AJAP1: variants seen among roughly 807,000 people sequenced by gnomAD.
AJAP1 encodes the protein adherens junction-associated protein 1.
A neutral mutation model predicts 35.0 loss-of-function variants in AJAP1; 5 were observed. The observed-to-expected ratio is 0.14, with a 90% CI of 0.07 to 0.30. The LOEUF is 0.30. Ranked by LOEUF, AJAP1 falls within the 10% of genes least tolerant of loss-of-function variation. The probability of loss-of-function intolerance (pLI) is 1.00; values close to 1 mark genes in which losing one functional copy is unlikely to be tolerated. For synonymous variants in AJAP1, 284 were observed against 249.3 expected, an observed-to-expected ratio of 1.14 and a Z score of -1.31; for missense variants, 586 against 571.0, an observed-to-expected ratio of 1.03 and a Z score of -0.27.
At chr1:4,777,294 T>G (rs1006445847) in intron 5 of AJAP1, 18 of 152,238 alleles carry the variant, frequency 1.2e-4, no homozygotes, top group African/African-American at 3.4e-4. Context: ...TCCAAATGCA[T>G]TTTTAATGAC....
intron 2 of AJAP1, among the ~76,000 whole-genome samples, chr1:4,722,377 T>C (rs967290250): frequency 7.2e-5 from 11 of 152,234 alleles, no homozygotes; most frequent in African/African-American, 2.7e-4. Flanking sequence ...CGTCCATACC[T>C]GCCTCATTCT....
chr1:4,766,952 C>A lies in AJAP1; in HGVS notation c.830-2901C>A, dbSNP rs1188156536. On this transcript the variant is annotated intron_variant, in intron 2 of 5. Transcript: ENST00000378191. ...GGCTTAGCTAGGTGCATCGAGGGAT[C>A]CTGTAGAAAGCATAGCTGTTGTATT... 3.3e-5 allele frequency among the ~76,000 whole-genome samples: 5 copies of A among 152,108 alleles called. No individual in the cohort carries two copies. In the East Asian group the frequency reaches 9.6e-4, roughly 29 times the overall value.
In AJAP1 at chr1:4,717,870, A is replaced by T. The variant is rs1433982254; in HGVS notation, c.829+5171A>T. Among the ~76,000 whole-genome samples the T allele has an allele frequency of 3.9e-5, 6 of 152,318 alleles. No homozygotes were observed. The East Asian group carries it at 1.2e-3, about 29-fold the overall frequency. On this transcript the variant is annotated intron_variant, in intron 2 of 5. Transcript: ENST00000378191. The stretch of plus-strand genomic sequence containing the variant: ...TGGTTGAAAGCTGTGATGGCCATTT[A>T]AATGCTGAGCCCATTTTAATTAAGT...
chr1:4,779,587 G>A (rs983505154), intron 5 of AJAP1, among the ~76,000 whole-genome samples: 3 of 152,094 alleles, frequency 2.0e-5, no homozygotes, highest in African/African-American at 4.8e-5. Context: ...AGCAGCCGGG[G>A]CCACAGTTCA....
At chr1:4,730,679 C>A (rs1640777624) in intron 2 of AJAP1, among the ~76,000 whole-genome samples, 1 of 152,172 alleles carries the variant, frequency 6.6e-6, no homozygotes, top group South Asian at 2.1e-4. Context: ...GACCCGTGTT[C>A]CCAGGAGGAA....
chr1:4,751,946 C>T (rs1641329032), intron 2 of AJAP1, among the ~76,000 whole-genome samples: 1 of 152,258 alleles, frequency 6.6e-6, no homozygotes, highest in East Asian at 1.9e-4. Flanking sequence ...CTGCCCACAC[C>T]CCACAGCCTA....
chr1:4,753,125 G>A (rs960400060), intron 2 of AJAP1, among the ~76,000 whole-genome samples: 1 of 152,218 alleles, frequency 6.6e-6, no homozygotes, highest in Non-Finnish European at 1.5e-5. Flanking sequence ...GAAGGGCCCT[G>A]TGCACTAATC....
chr1:4,666,317 G>C (rs1030373908), intron 1 of AJAP1, among the ~76,000 whole-genome samples: 5 of 152,192 alleles, frequency 3.3e-5, no homozygotes, highest in Non-Finnish European at 7.3e-5. Context: ...TGTGAAGCTG[G>C]AGAGGAAGGT....
At chr1:4,729,074 G>A (rs1296124462) in intron 2 of AJAP1, among the ~76,000 whole-genome samples, 1 of 151,862 alleles carries the variant, frequency 6.6e-6, no homozygotes, top group African/African-American at 2.4e-5. Context: ...GATACATCCT[G>A]GAAAAAAAAT....
At chr1:4,749,842 GTGTT>G (rs1641282640) in intron 2 of AJAP1, among the ~76,000 whole-genome samples, 1 of 152,206 alleles carries the variant, frequency 6.6e-6, no homozygotes, top group Admixed American at 6.5e-5. Context: ...GCACGCCTGT[GTGTT>G]TGTCCATGCC....
At chr1:4,700,204 G>T (rs879443077) in intron 1 of AJAP1, among the ~76,000 whole-genome samples, 1 of 152,114 alleles carries the variant, frequency 6.6e-6, no homozygotes, top group Non-Finnish European at 1.5e-5. Flanking sequence ...CCAGCCTGTG[G>T]CACCCTTCTT....
At chr1:4,666,433 C>T (rs1046707803) in intron 1 of AJAP1, among the ~76,000 whole-genome samples, 17 of 152,168 alleles carry the variant, frequency 1.1e-4, no homozygotes, top group African/African-American at 1.4e-4. Context: ...GCTCTCTGCC[C>T]GTGTGCGTTC....
At chr1:4,676,224 G>A (rs935696684) in intron 1 of AJAP1, among the ~76,000 whole-genome samples, 8 of 152,134 alleles carry the variant, frequency 5.3e-5, no homozygotes, top group East Asian at 1.9e-4. Context: ...ACGCTCCTCC[G>A]ATTTCCTCAT....
intron 1 of AJAP1, among the ~76,000 whole-genome samples, chr1:4,706,300 C>T (rs958204227): frequency 3.0e-4 from 46 of 152,144 alleles, no homozygotes; most frequent in African/African-American, 9.7e-4. Context: ...AACTATTGAT[C>T]GTAGAAGCAC....
Position 4,772,379 on chromosome 1 carries a change from G to T in AJAP1, c.1017G>T (p.Arg339=). ...ACCTCACGGACTTCCCCTCGGCCCG[G>T]GTGCCCAGCAGCCTGGACATATTCA... is the stretch of plus-strand genomic sequence containing the variant. ...CQNLTDFPSA[R]VPSSLDIFTA... is the part of the protein sequence containing the mutation. Residue 339 remains arginine (R), a synonymous_variant, in exon 4 of 6, where the codon CGG becomes CGT. Coordinates refer to ENST00000378191, the MANE Select transcript of AJAP1 (RefSeq NM_018836.4). 6.2e-7 allele frequency: 1 copy of T among 1,614,254 alleles called. No individual in the cohort carries two copies. Among genetic ancestry groups the T allele is most frequent in the East Asian group, 2.2e-5 (1 of 44,876 alleles).
At chr1:4,696,431 G>A (rs1477276835) in intron 1 of AJAP1, among the ~76,000 whole-genome samples, 3 of 152,274 alleles carry the variant, frequency 2.0e-5, no homozygotes, top group South Asian at 2.1e-4. Context: ...TCCCTGGGCT[G>A]CCTGGCTGCC....
Position 4,712,633 on chromosome 1 carries a change from C to A in AJAP1, c.763C>A (p.Pro255Thr), listed in dbSNP as rs143599436. ...CCCAGGTGGGGTTAGCACAACGGAG[C>A]CTTCCACCAGTCCCAGCAACAACGG... ...RIPGGVSTTE[P>T]STSPSNNGEV... The change falls in exon 2 of 6, where the codon CCT becomes ACT. Residue 255 changes from proline to threonine, a missense_variant. Coordinates refer to ENST00000378191, the MANE Select transcript of AJAP1 (RefSeq NM_018836.4). The A allele has an allele frequency of 3.2e-5, 50 of 1,565,968 alleles. No individual in the cohort carries two copies. The highest frequency in any genetic ancestry group is 3.8e-5 in the Non-Finnish European group (44 of 1,151,022).
chr1:4,716,193 A>C (rs1294331988), intron 2 of AJAP1, among the ~76,000 whole-genome samples: 1 of 152,232 alleles, frequency 6.6e-6, no homozygotes, highest in Non-Finnish European at 1.5e-5. Context: ...TAACTGCTGG[A>C]ATGATTAAAG....
At chr1:4,726,935 G>A (rs944214285) in intron 2 of AJAP1, among the ~76,000 whole-genome samples, 6 of 152,196 alleles carry the variant, frequency 3.9e-5, no homozygotes, top group Admixed American at 1.3e-4. Flanking sequence ...GAAGCTGAGG[G>A]CCAGGCTTGT....
Sources: allele counts gnomAD v4.1 joint callset (sites outside exome capture counted in the v4.1 genomes callset), GRCh38; gene constraint gnomAD v4.1.1; transcripts MANE v1.5; gene names NCBI Gene and HGNC (gene_info 2026-07-23, HGNC 2026-07-21).